NETO1: variants seen among roughly 807,000 people sequenced by gnomAD.
NETO1 encodes the protein neuropilin and tolloid-like protein 1.
In NETO1, 26 loss-of-function variants were observed where a neutral mutation model predicts 61.3. The observed-to-expected ratio is 0.42, with a 90% CI of 0.31 to 0.59. The LOEUF (loss-of-function observed/expected upper bound fraction) is 0.59. NETO1 is among the 20% of genes least tolerant of loss of function. NETO1 has a pLI of 0.12. For missense variants in NETO1, 531 were observed against 662.8 expected, an observed-to-expected ratio of 0.80 and a Z score of 2.18; for synonymous variants, 225 against 225.8, an observed-to-expected ratio of 1.00 and a Z score of 0.03.
chr18:72,800,642 AC>A (rs2072473892), intron 4 of NETO1, among the ~76,000 whole-genome samples: 2 of 152,192 alleles, frequency 1.3e-5, no homozygotes, highest in African/African-American at 4.8e-5. Flanking sequence ...TCATCTGGAA[AC>A]CATCCCCCAC....
chr18:72,866,125 T>C (rs1166478533), intron 1 of NETO1, among the ~76,000 whole-genome samples: 1 of 152,242 alleles, frequency 6.6e-6, no homozygotes, highest in African/African-American at 2.4e-5. Context: ...CTAGTCTTCA[T>C]AATTTGATTT....
intron 1 of NETO1, chr18:72,866,887 G>T (rs772798320): frequency 1.4e-6 from 1 of 740,622 alleles, no homozygotes; most frequent in Admixed American, 5.5e-5. Flanking sequence ...GGAGCCCCTA[G>T]AAGAGGAAGA....
chr18:72,821,235 A>AAAAAAAATAAAAT (rs2073186455), intron 4 of NETO1, among the ~76,000 whole-genome samples: 1 of 48,324 alleles, frequency 2.1e-5, no homozygotes. Context: ...CATATTAACT[A>AAAAAAAATAAAAT]AAAAAAAAAA....
intron 4 of NETO1, among the ~76,000 whole-genome samples, chr18:72,828,595 C>T (rs1425146270): frequency 6.6e-6 from 1 of 152,064 alleles, no homozygotes; most frequent in Non-Finnish European, 1.5e-5. Flanking sequence ...CATTTTTTGA[C>T]AAGTGATTAA....
At position 72,867,624 on chromosome 18, in the gene NETO1, C is replaced by G. The variant is rs1442473135; in HGVS notation, c.-333G>C. On this transcript the variant is annotated 5_prime_UTR_variant, in exon 1 of 11. Coordinates refer to ENST00000327305, the MANE Select transcript of NETO1 (RefSeq NM_138966.5). ...GCCGCCGCCGTCAGGACCCTCCTCC[C>G]GGGCATCGTCGCCGCCGCGGGGTCG... is the stretch of plus-strand genomic sequence containing the variant. 1 of 191,184 alleles carries G rather than the reference C, an allele frequency of 5.2e-6. No homozygotes were observed. The highest frequency in any genetic ancestry group is 2.3e-5 in the African/African-American group (1 of 42,586). 11.8% of individuals were successfully genotyped at this position (191,184 alleles called of 1,614,324 possible).
At chr18:72,820,141 A>G (rs764015146) in intron 4 of NETO1, among the ~76,000 whole-genome samples, 1 of 152,244 alleles carries the variant, frequency 6.6e-6, no homozygotes, top group Non-Finnish European at 1.5e-5. Context: ...AAAAAATTTT[A>G]AAATGGTCTT....
At position 72,783,926 on chromosome 18, in the gene NETO1, T is replaced by C; in HGVS notation, c.640-20A>G. The stretch of plus-strand genomic sequence containing the variant: ...GTAAATCTATAAAACAAAAATAAAA[T>C]AATTTCCACATATCAAAATATGAAT... On this transcript the variant is annotated intron_variant, in intron 6 of 10. Transcript: ENST00000327305. 6.5e-7 allele frequency: 1 copy of C among 1,540,530 alleles called. No homozygotes were observed. Among genetic ancestry groups the C allele is most frequent in the Non-Finnish European group, 9.0e-7 (1 of 1,114,440 alleles).
At position 72,783,780 on chromosome 18, in the gene NETO1, T is replaced by C. The variant is rs374376765; in HGVS notation, c.766A>G (p.Asn256Asp). The C allele has an allele frequency of 1.3e-5, 21 of 1,614,122 alleles. No individual in the cohort carries two copies. Among genetic ancestry groups the C allele is most frequent in the Non-Finnish European group, 1.7e-5 (20 of 1,180,052 alleles). ...AGACCCGTGCGTAGCATGACATCAT[T>C]AGCCACAGTGCTACAGAACTTAGCT... ...LKAKFCSTVA[N>D]DVMLRTGLGV... Residue 256 changes from asparagine to aspartate, a missense_variant, in exon 7 of 11, where the codon AAT (asparagine) becomes GAT (aspartate). Coordinates refer to ENST00000327305, the MANE Select transcript of NETO1 (RefSeq NM_138966.5).
At chr18:72,811,387 A>G (rs1353137865) in intron 4 of NETO1, among the ~76,000 whole-genome samples, 1 of 152,228 alleles carries the variant, frequency 6.6e-6, no homozygotes, top group African/African-American at 2.4e-5. Flanking sequence ...TTCCAAAAGA[A>G]ACTCCCATCA....
intron 6 of NETO1, among the ~76,000 whole-genome samples, 155 bp downstream of exon 6, chr18:72,793,962 A>G (rs1415629108): frequency 1.3e-5 from 2 of 152,222 alleles, no homozygotes; most frequent in Admixed American, 1.3e-4. Context: ...TGGACAAGAG[A>G]AGACAAGTTA....
At chr18:72,798,222 C>T (rs1320127402) in intron 4 of NETO1, among the ~76,000 whole-genome samples, 1 of 152,192 alleles carries the variant, frequency 6.6e-6, no homozygotes, top group Non-Finnish European at 1.5e-5. Context: ...GCTCCTCCTC[C>T]TGTCAAGTCA....
At chr18:72,816,701 T>G (rs561791906) in intron 4 of NETO1, among the ~76,000 whole-genome samples, 5 of 152,304 alleles carry the variant, frequency 3.3e-5, no homozygotes, top group South Asian at 4.1e-4. Context: ...CCCACCCCAC[T>G]GTGGGCCTAT....
chr18:72,864,971 A>T (rs1448528057), intron 2 of NETO1, 26 bp from the exon 3 acceptor site: 22 of 1,571,410 alleles, frequency 1.4e-5, no homozygotes, highest in Admixed American at 4.3e-5. Context: ...AAAAGTTTTA[A>T]AAAGAGCCAT....
At chr18:72,752,895 T>C (rs1036216041) in intron 8 of NETO1, among the ~76,000 whole-genome samples, 1 of 152,102 alleles carries the variant, frequency 6.6e-6, no homozygotes, top group Non-Finnish European at 1.5e-5. Context: ...CAACAGTACA[T>C]TTCAGCTGGA....
At chr18:72,842,694 A>G (rs1427188573) in intron 4 of NETO1, among the ~76,000 whole-genome samples, 2 of 152,200 alleles carry the variant, frequency 1.3e-5, no homozygotes, top group East Asian at 1.9e-4. Flanking sequence ...TGACAATGGG[A>G]TAGCTCAACA....
At chr18:72,812,458 T>A (rs1213222462) in intron 4 of NETO1, among the ~76,000 whole-genome samples, 1 of 152,250 alleles carries the variant, frequency 6.6e-6, no homozygotes, top group Non-Finnish European at 1.5e-5. Flanking sequence ...ATCATTGAAT[T>A]TTAAGTGATC....
At chr18:72,858,087 C>A (rs73474078) in intron 4 of NETO1, among the ~76,000 whole-genome samples, 2,237 of 152,124 alleles carry the variant, frequency 0.015, 68 homozygotes, top group African/African-American at 0.051. Context: ...TAATTTGAAT[C>A]ATTTTTCCAT....
At chr18:72,797,346 C>G (rs1252950215) in intron 4 of NETO1, among the ~76,000 whole-genome samples, 1 of 152,074 alleles carries the variant, frequency 6.6e-6, no homozygotes, top group African/African-American at 2.4e-5. Flanking sequence ...AGTGATAGCA[C>G]TGATAGTTTA....
chr18:72,789,210 G>GCACACACA (rs71166426), intron 6 of NETO1, among the ~76,000 whole-genome samples: 2,243 of 141,520 alleles, frequency 0.016, 43 homozygotes, highest in African/African-American at 0.033. Flanking sequence ...TAACACACAA[G>GCACACACA]CACACACACA....
Sources: gnomAD v4.1 joint callset for allele counts (sites outside exome capture counted in the v4.1 genomes callset) on GRCh38, gnomAD v4.1.1 for gene constraint, MANE v1.5 for transcripts, NCBI Gene and HGNC (gene_info 2026-07-23, HGNC 2026-07-21) for gene names.